Variants in TUSC3 observed in about 807,000 individuals in gnomAD.
TUSC3 encodes the protein dolichyl-diphosphooligosaccharide--protein glycosyltransferase subunit TUSC3.
TUSC3 carries 45 observed loss-of-function variants against 44.8 expected under a neutral mutation model. That is an observed-to-expected ratio of 1.00 (90% CI 0.79 to 1.29). TUSC3 has a LOEUF of 1.29. Ranked by LOEUF, TUSC3 falls within the 50% of genes most tolerant of loss-of-function variation. The probability of loss-of-function intolerance (pLI) is 0.00; values close to 1 mark genes in which losing one functional copy is unlikely to be tolerated. For synonymous variants in TUSC3, 212 were observed against 152.9 expected (o/e 1.39, Z -2.85); for missense variants, 519 against 437.9 (o/e 1.19, Z -1.65).
At chr8:15,723,200 C>A (rs1262644063) in intron 6 of TUSC3, among the ~76,000 whole-genome samples, 1 of 151,966 alleles carries the variant, frequency 6.6e-6, no homozygotes, top group Non-Finnish European at 1.5e-5. Context: ...TATGCCTGGG[C>A]CAGGTAAGAA....
At chr8:15,502,000 C>G (rs897584920) in intron 2 of TUSC3, among the ~76,000 whole-genome samples, 9 of 152,154 alleles carry the variant, frequency 5.9e-5, no homozygotes, top group African/African-American at 1.7e-4. Flanking sequence ...GTAATATGCT[C>G]ATTATGTTTT....
At chr8:15,594,247 G>C (rs981596681) in intron 1 of TUSC3, among the ~76,000 whole-genome samples, 5 of 152,004 alleles carry the variant, frequency 3.3e-5, no homozygotes, top group Non-Finnish European at 7.4e-5. Flanking sequence ...TATTTCACGT[G>C]TTGTAGTTTT....
At chr8:15,786,915 G>C in the TUSC3 span, among the ~76,000 whole-genome samples, 1 of 128,584 alleles carries the variant, frequency 7.8e-6, no homozygotes, top group Admixed American at 9.7e-5. Flanking sequence ...CTGCACTCCA[G>C]CCTGGGCAAC....
At chr8:15,636,686 G>T (rs916419359) in intron 2 of TUSC3, among the ~76,000 whole-genome samples, 24 of 152,318 alleles carry the variant, frequency 1.6e-4, no homozygotes, top group South Asian at 2.1e-4. Context: ...AGTGCAGCCT[G>T]TTGCATTGTT....
At chr8:15,658,285 G>C (rs1345170868) in intron 3 of TUSC3, among the ~76,000 whole-genome samples, 1 of 152,074 alleles carries the variant, frequency 6.6e-6, no homozygotes, top group Non-Finnish European at 1.5e-5. Context: ...TGGGTATTCA[G>C]CTTGTTTGTG....
intron 2 of TUSC3, among the ~76,000 whole-genome samples, chr8:15,517,522 CAAAAAAAAAAAAAAAAAAAAAA>C (rs71211049): frequency 7.7e-5 from 6 of 77,552 alleles, no homozygotes; most frequent in Non-Finnish European, 8.2e-5. Flanking sequence ...TAGCGTGAGG[CAAAAAAAAAAAAAAAAAAAAAA>C]AAAAAAAAAA....
At chr8:15,817,484 C>T in the TUSC3 span, among the ~76,000 whole-genome samples, 3 of 152,132 alleles carry the variant, frequency 2.0e-5, no homozygotes, top group Admixed American at 2.0e-4. Context: ...CTGTAATCCC[C>T]ATGTGTTGTG....
intron 2 of TUSC3, among the ~76,000 whole-genome samples, chr8:15,503,629 A>T (rs935491299): frequency 6.6e-6 from 1 of 152,132 alleles, no homozygotes; most frequent in Non-Finnish European, 1.5e-5. Flanking sequence ...GCTTGAGCCC[A>T]GGAATTCGAG....
intron 1 of TUSC3, among the ~76,000 whole-genome samples, chr8:15,427,229 CT>C (rs765417646): frequency 1.5e-4 from 21 of 144,684 alleles, no homozygotes; most frequent in Non-Finnish European, 1.7e-4. Context: ...AAGGTTTTTC[CT>C]TTTTTTTTTT....
chr8:15,465,537 C>A (rs987811125), intron 1 of TUSC3, among the ~76,000 whole-genome samples: 1 of 152,032 alleles, frequency 6.6e-6, no homozygotes, highest in Non-Finnish European at 1.5e-5. Context: ...TGTTAAAATG[C>A]TTTTTAAAAA....
In TUSC3 at chr8:15,457,228, A is replaced by G. The variant is rs1156825757; in HGVS notation, n.92-26158A>G. On this transcript the variant is annotated intron_variant and non_coding_transcript_variant, in intron 1 of 5. Transcript: ENST00000503191. ...ATACACCTAAAGTAAATGACGAGTT[A>G]ATGGGTGCAGCACACCAACATGGCA... is the stretch of plus-strand genomic sequence containing the variant. 2.6e-5 allele frequency among the ~76,000 whole-genome samples: 4 copies of G among 151,898 alleles called. No homozygotes were observed. In the South Asian group the frequency reaches 6.2e-4, roughly 24 times the overall value.
the TUSC3 span, among the ~76,000 whole-genome samples, chr8:15,803,530 A>G: frequency 6.6e-6 from 1 of 152,340 alleles, no homozygotes; most frequent in East Asian, 1.9e-4. Flanking sequence ...TTTCAGTAGC[A>G]TAAAAGGTTA....
chr8:15,524,160 A>G (rs1193354708), intron 2 of TUSC3, among the ~76,000 whole-genome samples: 1 of 151,738 alleles, frequency 6.6e-6, no homozygotes, highest in Non-Finnish European at 1.5e-5. Context: ...GTTTTTTTGC[A>G]TATGTTAACG....
At chr8:15,771,606 C>G (rs1328565416), downstream of TUSC3, among the ~76,000 whole-genome samples, 1 of 152,030 alleles carries the variant, frequency 6.6e-6, no homozygotes. Flanking sequence ...TATAAATAAA[C>G]TGGAAAACTA....
chr8:15,483,800 C>T (rs919690318), intron 2 of TUSC3, among the ~76,000 whole-genome samples: 32 of 151,704 alleles, frequency 2.1e-4, no homozygotes, highest in African/African-American at 5.8e-4. Context: ...GGACTACAGG[C>T]GCCAGCCACA....
At chr8:15,621,115 G>C (rs920008712) in intron 1 of TUSC3, among the ~76,000 whole-genome samples, 2 of 151,702 alleles carry the variant, frequency 1.3e-5, no homozygotes, top group Non-Finnish European at 2.9e-5. Context: ...TACCCTGCTT[G>C]ATTTCCACTC....
the TUSC3 span, among the ~76,000 whole-genome samples, chr8:15,826,705 G>A: frequency 6.6e-6 from 1 of 152,118 alleles, no homozygotes; most frequent in Non-Finnish European, 1.5e-5. Context: ...ACCATCACCT[G>A]CATAGAACAG....
At chr8:15,687,068 G>A (rs760936246) in intron 6 of TUSC3, among the ~76,000 whole-genome samples, 23 of 151,842 alleles carry the variant, frequency 1.5e-4, no homozygotes, top group Admixed American at 7.2e-4. Flanking sequence ...GCAAGACTCC[G>A]TCTCAAAAAA....
At chr8:15,499,294 C>T (rs955721967) in intron 2 of TUSC3, among the ~76,000 whole-genome samples, 7 of 152,296 alleles carry the variant, frequency 4.6e-5, no homozygotes, top group African/African-American at 1.7e-4. Flanking sequence ...ACTTTTCAAA[C>T]CATAAAAGGC....
Sources: gnomAD v4.1 joint callset for allele counts (sites outside exome capture counted in the v4.1 genomes callset) on GRCh38, gnomAD v4.1.1 for gene constraint, MANE v1.5 for transcripts, NCBI Gene and HGNC (gene_info 2026-07-23, HGNC 2026-07-21) for gene names.